SPACA7: variants seen among roughly 807,000 people sequenced by gnomAD.
The protein encoded by SPACA7 is sperm acrosome-associated protein 7.
Under a neutral mutation model 26.3 loss-of-function variants are expected in SPACA7, and 19 were observed. That is an observed-to-expected ratio of 0.72 (90% CI 0.50 to 1.06). SPACA7 has a LOEUF of 1.06. Among genes scored for constraint, SPACA7 ranks in the 50% least tolerant of loss-of-function variants. The pLI is 0.00. For synonymous variants in SPACA7, 84 were observed against 84.5 expected, an observed-to-expected ratio of 0.99 and a Z score of 0.04; for missense variants, 211 against 229.9, an observed-to-expected ratio of 0.92 and a Z score of 0.53.
chr13:112,379,998 G>A (rs1883941128), intron 1 of SPACA7, among the ~76,000 whole-genome samples: 1 of 152,116 alleles, frequency 6.6e-6, no homozygotes, highest in Non-Finnish European at 1.5e-5. Flanking sequence ...GTTTTCTTAA[G>A]TAATCAAAAA....
chr13:112,393,127 G>A, intron 2 of SPACA7, 50 bp downstream of exon 2: 1 of 1,489,856 alleles, frequency 6.7e-7, no homozygotes, highest in Non-Finnish European at 9.3e-7. Context: ...AAGAGGGCTG[G>A]ATGGTTGTCT....
chr13:112,403,474 C>G (rs1885775285), intron 5 of SPACA7, among the ~76,000 whole-genome samples: 1 of 152,060 alleles, frequency 6.6e-6, no homozygotes, highest in South Asian at 2.1e-4. Context: ...TGTTTGGTTA[C>G]ATGAATAAGT....
chr13:112,408,110 GA>G (rs1008612948), intron 5 of SPACA7, among the ~76,000 whole-genome samples: 1 of 151,994 alleles, frequency 6.6e-6, no homozygotes, highest in Non-Finnish European at 1.5e-5. Context: ...CAGAACCAAA[GA>G]AAAAACCACA....
intron 1 of SPACA7, among the ~76,000 whole-genome samples, chr13:112,383,070 G>A (rs891709841): frequency 7.1e-6 from 1 of 140,108 alleles, no homozygotes; most frequent in Non-Finnish European, 1.5e-5. Flanking sequence ...GAGACAGAAA[G>A]AGAAAGAAAG....
intron 5 of SPACA7, among the ~76,000 whole-genome samples, chr13:112,427,303 G>A (rs184974801): frequency 5.1e-4 from 78 of 152,306 alleles, no homozygotes; most frequent in Non-Finnish European, 9.8e-4. Flanking sequence ...AAGCAGGTGC[G>A]TCCACAGTTG....
intron 2 of SPACA7, 36 bp downstream of exon 2, chr13:112,393,113 C>G (rs752516430): frequency 8.4e-6 from 13 of 1,556,774 alleles, no homozygotes; most frequent in South Asian, 1.1e-5. Context: ...CTGGCCTGTA[C>G]GTGAAGAGGG....
chr13:112,431,117 A>T (rs1426936416), intron 5 of SPACA7, among the ~76,000 whole-genome samples: 2 of 152,224 alleles, frequency 1.3e-5, no homozygotes, highest in Non-Finnish European at 2.9e-5. Context: ...CCTAAAACTT[A>T]AAAATTGTTC....
At chr13:112,416,097 T>C (rs1594310029) in intron 5 of SPACA7, among the ~76,000 whole-genome samples, 1 of 152,066 alleles carries the variant, frequency 6.6e-6, no homozygotes, top group African/African-American at 2.4e-5. Flanking sequence ...CCTACCTTCT[T>C]CAATGTGTCT....
chr13:112,432,172 G>A lies in SPACA7; in HGVS notation c.446-272G>A, dbSNP rs566396401. Among the ~76,000 whole-genome samples, 7 of 152,332 alleles carry A rather than the reference G, an allele frequency of 4.6e-5. No individual in the cohort carries two copies. In the South Asian group the frequency reaches 1.2e-3, roughly 27 times the overall value. ...TTCTATGCTAGTGTCTCCTAAGAGT[G>A]TAAAGAGAAAACACAGAGAAAGCAC... On this transcript the variant is annotated intron_variant, in intron 5 of 6. Transcript: ENST00000283550.
chr13:112,390,971 A>G (rs79013162), intron 1 of SPACA7, among the ~76,000 whole-genome samples: 3,862 of 152,302 alleles, frequency 0.025, 106 homozygotes, highest in African/African-American at 0.073. Context: ...CCAGGAAGGA[A>G]TGCTGGGGGT....
rs571969558 is a variant in SPACA7 at position 112,379,748 on chromosome 13, G to A, written c.94+3269G>A. 2.0e-4 allele frequency among the ~76,000 whole-genome samples: 31 copies of A among 152,268 alleles called. No homozygotes were observed. The South Asian group carries it at 6.4e-3, about 32-fold the overall frequency. On this transcript the variant is annotated intron_variant, in intron 1 of 6. Transcript: ENST00000283550. ...AGAACAAATCCTTTGAGATTTTCTA[G>A]TGGCCCTCTGGGAAATCTCAAAATT...
At chr13:112,397,692 C>T (rs757370690) in intron 2 of SPACA7, among the ~76,000 whole-genome samples, 117 of 152,300 alleles carry the variant, frequency 7.7e-4, no homozygotes, top group Middle Eastern at 3.4e-3. Flanking sequence ...CACTCACACA[C>T]GGAGGGCAGC....
intron 5 of SPACA7, among the ~76,000 whole-genome samples, chr13:112,405,754 G>A (rs192068562): frequency 6.6e-6 from 1 of 152,238 alleles, no homozygotes; most frequent in East Asian, 1.9e-4. Context: ...TAAGAATAGT[G>A]TAAAAATTCT....
chr13:112,401,730 CA>C (rs1190797880), intron 5 of SPACA7, among the ~76,000 whole-genome samples: 5 of 152,216 alleles, frequency 3.3e-5, no homozygotes, highest in African/African-American at 1.2e-4. Context: ...TCATCTGCTA[CA>C]TTAGCTCTTG....
In SPACA7 at chr13:112,391,520, G is replaced by A. The variant is rs974242111; in HGVS notation, c.95-1501G>A. On this transcript the variant is annotated intron_variant, in intron 1 of 6. Transcript: ENST00000283550. ...AGGGAACCCTTTCACGGAGGCCAGC[G>A]TGTGCACGATGTAAATATCGAGAAA... 6.6e-5 allele frequency among the ~76,000 whole-genome samples: 10 copies of A among 152,322 alleles called. No homozygotes were observed. In the South Asian group the frequency reaches 1.0e-3, roughly 16 times the overall value.
At chr13:112,400,752 G>T (rs980438246) in intron 4 of SPACA7, among the ~76,000 whole-genome samples, 1 of 152,058 alleles carries the variant, frequency 6.6e-6, no homozygotes, top group South Asian at 2.1e-4. Context: ...GCAATATTTT[G>T]CCATTTCAAA....
chr13:112,418,302 C>A (rs1393458538), intron 5 of SPACA7, among the ~76,000 whole-genome samples: 1 of 152,158 alleles, frequency 6.6e-6, no homozygotes, highest in Non-Finnish European at 1.5e-5. Context: ...GTAATTTTCC[C>A]TTATGAAACA....
intron 5 of SPACA7, among the ~76,000 whole-genome samples, chr13:112,422,737 C>T (rs979628041): frequency 1.3e-5 from 2 of 152,186 alleles, no homozygotes; most frequent in Admixed American, 1.3e-4. Flanking sequence ...AAATGTTTAA[C>T]CCTTTTCCCA....
intron 5 of SPACA7, among the ~76,000 whole-genome samples, chr13:112,427,096 T>C (rs566309405): frequency 2.0e-5 from 3 of 152,360 alleles, no homozygotes; most frequent in Middle Eastern, 3.4e-3. Context: ...AAATGGAGTT[T>C]GAATTCTGAG....
Sources: gnomAD v4.1 joint callset for allele counts (sites outside exome capture counted in the v4.1 genomes callset) on GRCh38, gnomAD v4.1.1 for gene constraint, MANE v1.5 for transcripts, NCBI Gene and HGNC (gene_info 2026-07-23, HGNC 2026-07-21) for gene names.